Variants in KPNA2 observed in about 807,000 individuals in gnomAD.
KPNA2 encodes importin subunit alpha-1.
KPNA2 carries 20 observed loss-of-function variants against 53.7 expected under a neutral mutation model. The observed-to-expected ratio is 0.37, with a 90% CI of 0.26 to 0.54. The LOEUF is 0.54. KPNA2 is among the 20% of genes least tolerant of loss of function. KPNA2 has a pLI of 0.83. For missense variants in KPNA2, 515 were observed against 640.3 expected (o/e 0.80, Z 2.11); for synonymous variants, 238 against 227.5 (o/e 1.05, Z -0.42).
chr17:68,037,371 G>A lies in KPNA2; in HGVS notation c.89G>A (p.Arg30His), dbSNP rs533117201. Residue 30 changes from arginine to histidine, a missense_variant, in exon 3 of 11, where the codon CGC becomes CAC. Transcript: ENST00000330459. ...TCTTTTCTCAAGGAAATGAGGCGTC[G>A]CAGAATAGAGGTCAATGTGGAGCTG... ...KGKDSTEMRR[R>H]RIEVNVELRK... is the part of the protein sequence containing the mutation. The A allele has an allele frequency of 4.3e-6, 7 of 1,613,190 alleles. No homozygotes were observed. The East Asian group carries it at 8.9e-5, about 21-fold the overall frequency.
intron 9 of KPNA2, among the ~76,000 whole-genome samples, chr17:68,045,056 T>C (rs1472857240): frequency 6.0e-5 from 9 of 150,790 alleles, no homozygotes; most frequent in Non-Finnish European, 1.0e-4. Context: ...GTTTGTGTTA[T>C]TGCACTCCAG....
Position 68,043,368 on chromosome 17 carries a change from G to A in KPNA2, c.930+5G>A, listed in dbSNP as rs933660397. On this transcript the variant is annotated splice_donor_5th_base_variant and intron_variant, in intron 7 of 10. Transcript: ENST00000330459. ...GCTTCTGAATTGCCAATTGTGGTAAGTTATTTACTTGTAGATTAGGACATA... is the reference window on the plus strand; with the variant it reads ...GCTTCTGAATTGCCAATTGTGGTAAATTATTTACTTGTAGATTAGGACATA... 2 of 1,613,668 alleles carry A rather than the reference G, an allele frequency of 1.2e-6. No homozygotes were observed. The highest frequency in any genetic ancestry group is 2.2e-5 in the East Asian group (1 of 44,876).
chr17:68,037,835 C>CT (rs1169861783), intron 3 of KPNA2, among the ~76,000 whole-genome samples: 7 of 150,164 alleles, frequency 4.7e-5, no homozygotes, highest in Non-Finnish European at 5.9e-5. Context: ...GAGTCTTGCT[C>CT]TGTTGCTCAG....
chr17:68,043,050 C>G (rs782591633), intron 6 of KPNA2, 50 bp from the exon 7 acceptor site: 9 of 1,612,706 alleles, frequency 5.6e-6, no homozygotes, highest in Non-Finnish European at 7.6e-6. Flanking sequence ...CTAATTTCCC[C>G]CATCTTCTCA....
intron 7 of KPNA2, 53 bp from the exon 8 acceptor site, chr17:68,043,785 T>C: frequency 8.6e-7 from 1 of 1,169,052 alleles, no homozygotes; most frequent in Admixed American, 1.8e-5. Context: ...GTATAGAATT[T>C]CTAAAGTGCT....
At chr17:68,045,612 A>C in intron 9 of KPNA2, 160 bp from the exon 10 acceptor site, 1 of 563,428 alleles carries the variant, frequency 1.8e-6, no homozygotes, top group Non-Finnish European at 3.1e-6. Context: ...ATTGAGTGTC[A>C]ACAAAATATA....
In KPNA2 at chr17:68,046,434, C is replaced by T. The variant is rs1373784483; in HGVS notation, c.1498-70C>T. On this transcript the variant is annotated intron_variant, in intron 10 of 10. Coordinates refer to ENST00000330459, the MANE Select transcript of KPNA2 (RefSeq NM_002266.4). ...CAGATCAAGACCTAGAGATTAAATA[C>T]AGACTTCAGGTAGGCTGCTGCTTGG... 20 of 906,484 alleles carry T rather than the reference C, an allele frequency of 2.2e-5. No individual in the cohort carries two copies. The East Asian group carries it at 3.6e-4, about 16-fold the overall frequency. The allele number at this position is 906,484 out of a possible 1,614,324, so 56.2% of individuals were successfully genotyped here.
At position 68,046,854 on chromosome 17, in the gene KPNA2, A is replaced by G. The variant is rs1599145115; in HGVS notation, c.*258A>G. 1.0e-5 allele frequency: 3 copies of G among 286,348 alleles called. No individual in the cohort carries two copies. The highest frequency in any genetic ancestry group is 1.3e-4 in the East Asian group (2 of 15,362). The allele number at this position is 286,348 out of a possible 1,614,324, so 17.7% of individuals were successfully genotyped here. A position where few individuals can be genotyped will look rare whatever the true frequency, so the allele number is the denominator to read the frequency against. ...TCAAGTCCACCCTTTTCTTGACTTC[A>G]CCATGCCTATGTGTTGCTTTCTAAT... On this transcript the variant is annotated 3_prime_UTR_variant, in exon 11 of 11. Coordinates refer to ENST00000330459, the MANE Select transcript of KPNA2 (RefSeq NM_002266.4).
chr17:68,045,607 G>A (rs1372646033), intron 9 of KPNA2, 165 bp from the exon 10 acceptor site: 3 of 546,330 alleles, frequency 5.5e-6, no homozygotes, highest in Non-Finnish European at 9.6e-6. Context: ...ATCACATTGA[G>A]TGTCAACAAA....
chr17:68,044,135 GCTT>G, intron 8 of KPNA2, 64 bp downstream of exon 8: 4 of 1,417,218 alleles, frequency 2.8e-6, no homozygotes, highest in Non-Finnish European at 4.0e-6. Context: ...TGCTTGATAA[GCTT>G]CTTCACGTGC....
chr17:68,043,741 A>C, intron 7 of KPNA2, 97 bp from the exon 8 acceptor site: 1 of 753,420 alleles, frequency 1.3e-6, no homozygotes, highest in Non-Finnish European at 2.3e-6. Flanking sequence ...TGCCTATTTC[A>C]GGCCATGATG....
At chr17:68,037,044 A>G in intron 1 of KPNA2, 66 bp from the exon 2 acceptor site, 1 of 1,019,938 alleles carries the variant, frequency 9.8e-7, no homozygotes, top group South Asian at 1.3e-5. Flanking sequence ...TTCAGTTCTT[A>G]TTTGGTACTA....
rs1555705161 is a variant in KPNA2 at position 68,044,494 on chromosome 17, T to C, written c.1338T>C (p.Asn446=). The change falls in exon 9 of 11, where the codon AAT becomes AAC. Residue 446 remains asparagine, a synonymous_variant. Coordinates refer to ENST00000330459, the MANE Select transcript of KPNA2 (RefSeq NM_002266.4). ...IILVILDAIS[N]IFQAAEKLGE... ...TGGTTATCCTGGATGCCATTTCAAA[T>C]ATCTTTCAGGTAAGTCCTATCAAGG... The C allele has an allele frequency of 6.2e-7, 1 of 1,613,620 alleles. No homozygotes were observed. The highest frequency in any genetic ancestry group is 1.1e-5 in the South Asian group (1 of 91,008).
intron 9 of KPNA2, 67 bp from the exon 10 acceptor site, chr17:68,045,705 T>G: frequency 8.5e-7 from 1 of 1,173,438 alleles, no homozygotes. Flanking sequence ...TTCAAATTAT[T>G]GATGTTTTCT....
intron 7 of KPNA2, 63 bp from the exon 8 acceptor site, chr17:68,043,775 G>T (rs1323076254): frequency 9.9e-6 from 10 of 1,012,782 alleles, no homozygotes; most frequent in Non-Finnish European, 1.4e-5. Context: ...AACTTTTAGG[G>T]TATAGAATTT....
At chr17:68,037,280 G>T (rs1555703904) in intron 2 of KPNA2, 73 bp downstream of exon 2, 2 of 1,577,532 alleles carry the variant, frequency 1.3e-6, no homozygotes, top group Non-Finnish European at 1.7e-6. Context: ...GAAAACTGAG[G>T]TATTTAAAAA....
At chr17:68,040,501 A>G (rs190698693) in intron 3 of KPNA2, among the ~76,000 whole-genome samples, 177 bp from the exon 4 acceptor site, 21 of 152,300 alleles carry the variant, frequency 1.4e-4, no homozygotes, top group Admixed American at 4.6e-4. Context: ...CAAGTTTGGA[A>G]ACTGTTCTAC....
intron 4 of KPNA2, 41 bp downstream of exon 4, chr17:68,040,807 T>G (rs1555704481): frequency 1.5e-6 from 2 of 1,306,760 alleles, no homozygotes; most frequent in Non-Finnish European, 1.1e-6. Context: ...CTAAGAAATT[T>G]GTGTTTTTAG....
chr17:68,040,095 GA>G (rs1555704331), intron 3 of KPNA2, among the ~76,000 whole-genome samples: 1 of 151,382 alleles, frequency 6.6e-6, no homozygotes, highest in African/African-American at 2.4e-5. Context: ...AAAAAGAAAA[GA>G]AAATCCTCAG....
Sources: allele counts gnomAD v4.1 joint callset (sites outside exome capture counted in the v4.1 genomes callset), GRCh38; gene constraint gnomAD v4.1.1; transcripts MANE v1.5; gene names NCBI Gene and HGNC (gene_info 2026-07-23, HGNC 2026-07-21).